Variants in TOX2 observed in about 807,000 individuals in gnomAD.
TOX2 encodes the protein TOX high mobility group box family member 2, also known as granulosa cell HMG box 1.
A neutral mutation model predicts 47.4 loss-of-function variants in TOX2; 15 were observed. The ratio of observed to expected loss-of-function variants is 0.32; its 90% confidence interval spans 0.21 to 0.49. TOX2 has a LOEUF of 0.49. Ranked by LOEUF, TOX2 falls within the 20% of genes least tolerant of loss-of-function variation. The probability of loss-of-function intolerance (pLI) is 0.99; values close to 1 mark genes in which losing one functional copy is unlikely to be tolerated. For synonymous variants in TOX2, 290 were observed against 296.6 expected (o/e 0.98, Z 0.23); for missense variants, 622 against 673.1 (o/e 0.92, Z 0.84).
intron 4 of TOX2, among the ~76,000 whole-genome samples, chr20:44,053,469 CACAT>C (rs1402223529): frequency 3.4e-4 from 51 of 148,452 alleles, no homozygotes; most frequent in Admixed American, 1.1e-3. Flanking sequence ...CACACACACA[CACAT>C]ATATATATAC....
chr20:44,042,936 A>G (rs6031316), intron 3 of TOX2, among the ~76,000 whole-genome samples: 16,625 of 152,214 alleles, frequency 0.11, 1,404 homozygotes, highest in African/African-American at 0.23. Flanking sequence ...TTGTAAGGGA[A>G]AGGGAGAAGT....
rs528798785 is a variant in TOX2, at chr20:43,951,888, T to C, written c.100-21479T>C. 7.4e-4 allele frequency among the ~76,000 whole-genome samples: 7 copies of C among 9,482 alleles called. No individual in the cohort carries two copies. In the Admixed American group the frequency reaches 0.012, roughly 16 times the overall value. 6.2% of individuals were successfully genotyped at this position (9,482 alleles called of 152,430 possible). ...ATGCCTGGCTAATTAAAAATAATTT[T>C]TTGTTTGTTTGTTTGTTTGTTTTTT... On this transcript the variant is annotated intron_variant, in intron 1 of 8. Transcript: ENST00000341197.
At chr20:44,035,581 C>G (rs2071226722) in intron 3 of TOX2, among the ~76,000 whole-genome samples, 1 of 152,210 alleles carries the variant, frequency 6.6e-6, no homozygotes, top group South Asian at 2.1e-4. Context: ...CATGTGTTCT[C>G]TAACCCAGCA....
At chr20:44,014,889 G>T (rs2070850376) in intron 3 of TOX2, among the ~76,000 whole-genome samples, 1 of 152,106 alleles carries the variant, frequency 6.6e-6, no homozygotes, top group Non-Finnish European at 1.5e-5. Flanking sequence ...GCAGGGGAAG[G>T]CATATTAGTT....
chr20:44,001,630 CT>C (rs1294116005), intron 2 of TOX2, among the ~76,000 whole-genome samples: 1 of 151,878 alleles, frequency 6.6e-6, no homozygotes, highest in Non-Finnish European at 1.5e-5. Context: ...TGTTTTTTGA[CT>C]GAAAGGAATG....
intron 3 of TOX2, among the ~76,000 whole-genome samples, chr20:44,011,448 G>A (rs956107728): frequency 1.3e-5 from 2 of 151,256 alleles, no homozygotes; most frequent in African/African-American, 4.9e-5. Flanking sequence ...CTCTGTGCCC[G>A]GAAGAGGCCC....
chr20:44,002,907 C>T (rs2070609047), intron 2 of TOX2, among the ~76,000 whole-genome samples: 2 of 152,196 alleles, frequency 1.3e-5, no homozygotes, highest in African/African-American at 4.8e-5. Flanking sequence ...ACACTTTTGG[C>T]TCAGCCCCAC....
At chr20:43,959,649 T>C (rs1407341321) in intron 1 of TOX2, among the ~76,000 whole-genome samples, 4 of 152,226 alleles carry the variant, frequency 2.6e-5, no homozygotes, top group Non-Finnish European at 5.9e-5. Context: ...GGAGAAAATA[T>C]CTTCCACATC....
intron 3 of TOX2, among the ~76,000 whole-genome samples, chr20:44,022,886 C>G (rs2070997733): frequency 6.6e-6 from 1 of 152,066 alleles, no homozygotes; most frequent in South Asian, 2.1e-4. Context: ...TTCTATCAAA[C>G]AGGTACAATT....
chr20:44,063,737 T>C (rs1484744325), intron 5 of TOX2, among the ~76,000 whole-genome samples: 1 of 151,342 alleles, frequency 6.6e-6, no homozygotes, highest in African/African-American at 2.4e-5. Context: ...ATGTGCTACA[T>C]ATATATACAC....
intron 1 of TOX2, among the ~76,000 whole-genome samples, chr20:43,950,046 CACGAGGATTG>C (rs2069534710): frequency 1.3e-5 from 2 of 151,954 alleles, no homozygotes; most frequent in Admixed American, 1.3e-4. Context: ...TTTGGAGGGT[CACGAGGATTG>C]ACGAGATGAC....
chr20:44,014,762 G>A (rs1168547563), intron 3 of TOX2, among the ~76,000 whole-genome samples: 3 of 152,136 alleles, frequency 2.0e-5, no homozygotes, highest in South Asian at 2.1e-4. Flanking sequence ...CTTTATTGAC[G>A]GGGTTGGGGT....
At chr20:43,988,341 G>A (rs762929373) in intron 2 of TOX2, among the ~76,000 whole-genome samples, 1 of 152,166 alleles carries the variant, frequency 6.6e-6, no homozygotes. Flanking sequence ...GTTTCTCTGG[G>A]CACAGACAAC....
chr20:43,955,242 A>G (rs1227852315), intron 1 of TOX2: 1 of 985,328 alleles, frequency 1.0e-6, no homozygotes, highest in Non-Finnish European at 1.2e-6. Context: ...AAACTGCACG[A>G]GTTCTGGCTG....
chr20:44,051,759 C>T (rs573261654), intron 4 of TOX2, among the ~76,000 whole-genome samples: 3 of 152,306 alleles, frequency 2.0e-5, no homozygotes, highest in South Asian at 4.2e-4. Flanking sequence ...GACCCCCAGG[C>T]CACGCTGGAA....
At chr20:43,923,996 G>A (rs547648584) in intron 1 of TOX2, among the ~76,000 whole-genome samples, 6 of 152,286 alleles carry the variant, frequency 3.9e-5, no homozygotes, top group African/African-American at 1.4e-4. Flanking sequence ...GCATCATCTG[G>A]TCATTTCAGC....
At chr20:43,973,268 C>T in intron 1 of TOX2, 99 bp from the exon 2 acceptor site, 1 of 1,176,938 alleles carries the variant, frequency 8.5e-7, no homozygotes, top group Non-Finnish European at 1.3e-6. Flanking sequence ...CTCCCACAGT[C>T]CCCTGCAGTC....
chr20:43,918,089 C>G (rs2069077388), intron 1 of TOX2, among the ~76,000 whole-genome samples: 1 of 152,162 alleles, frequency 6.6e-6, no homozygotes, highest in African/African-American at 2.4e-5. Context: ...TTGCAAGTCT[C>G]TGTCATGGTT....
chr20:43,955,576 T>G (rs2069653714), intron 1 of TOX2, among the ~76,000 whole-genome samples: 1 of 152,028 alleles, frequency 6.6e-6, no homozygotes, highest in Non-Finnish European at 1.5e-5. Context: ...GGAGAGGAAA[T>G]TAGGGTTTGC....
Sources: allele counts gnomAD v4.1 joint callset (sites outside exome capture counted in the v4.1 genomes callset), GRCh38; gene constraint gnomAD v4.1.1; transcripts MANE v1.5; gene names NCBI Gene and HGNC (gene_info 2026-07-23, HGNC 2026-07-21).